Variants in NRXN3 observed in about 807,000 individuals in gnomAD.
NRXN3 encodes the protein neurexin III.
Under a neutral mutation model 137.6 loss-of-function variants are expected in NRXN3, and 32 were observed. The observed-to-expected ratio is 0.23, with a 90% CI of 0.18 to 0.31. The LOEUF (loss-of-function observed/expected upper bound fraction) is 0.31, where lower values mean the gene tolerates loss of function less well. Among genes scored for constraint, NRXN3 ranks in the 10% least tolerant of loss-of-function variants. The probability of loss-of-function intolerance (pLI) is 1.00; values close to 1 mark genes in which losing one functional copy is unlikely to be tolerated. For missense variants in NRXN3, 1,574 were observed against 2,062.5 expected (o/e 0.76, Z 4.59); for synonymous variants, 798 against 784.5 (o/e 1.02, Z -0.29).
chr14:78,391,371 T>G (rs542515754), intron 4 of NRXN3, among the ~76,000 whole-genome samples: 60 of 152,258 alleles, frequency 3.9e-4, no homozygotes, highest in African/African-American at 1.3e-3. Flanking sequence ...TTCATGACCT[T>G]TTTTGTGGCA....
intron 16 of NRXN3, among the ~76,000 whole-genome samples, chr14:79,607,082 G>A (rs1323286056): frequency 6.6e-6 from 1 of 152,158 alleles, no homozygotes; most frequent in African/African-American, 2.4e-5. Context: ...GTGCACTTGT[G>A]GGTATGTGTA....
chr14:78,722,079 C>T (rs553008138), intron 8 of NRXN3, among the ~76,000 whole-genome samples: 2 of 152,270 alleles, frequency 1.3e-5, no homozygotes, highest in South Asian at 2.1e-4. Context: ...CCTCTGATCA[C>T]AGCTGGTCCT....
chr14:78,194,932 G>C (rs2061089380), intron 1 of NRXN3, among the ~76,000 whole-genome samples: 1 of 152,180 alleles, frequency 6.6e-6, no homozygotes, highest in African/African-American at 2.4e-5. Flanking sequence ...ATGCAGAAGT[G>C]GCTCAATTGA....
intron 15 of NRXN3, among the ~76,000 whole-genome samples, chr14:79,243,640 G>T (rs1451597456): frequency 2.6e-5 from 4 of 152,048 alleles, no homozygotes; most frequent in Non-Finnish European, 5.9e-5. Flanking sequence ...ATAGCCTGTT[G>T]CTATATGGTA....
chr14:79,012,670 TC>T lies in NRXN3; in HGVS notation c.3262+24533del, dbSNP rs2099573146. ...ACTTTCCAGAAGACACAGGTGTGTT[TC>T]CCCAGAAGACCATCTGGATCCAGAA... On this transcript the variant is annotated intron_variant, in intron 15 of 20. Coordinates refer to ENST00000335750, the MANE Select transcript of NRXN3 (RefSeq NM_001330195.2). 2.0e-5 allele frequency among the ~76,000 whole-genome samples: 3 copies of T among 152,288 alleles called. No homozygotes were observed. The East Asian group carries it at 5.8e-4, about 29-fold the overall frequency.
chr14:78,790,916 A>G (rs1307517009), intron 8 of NRXN3, among the ~76,000 whole-genome samples: 1 of 152,204 alleles, frequency 6.6e-6, no homozygotes, highest in Admixed American at 6.5e-5. Context: ...TATCAGTGCC[A>G]GTGGGCCTCC....
intron 4 of NRXN3, among the ~76,000 whole-genome samples, chr14:78,371,891 T>C (rs2086899319): frequency 6.6e-6 from 1 of 152,226 alleles, no homozygotes; most frequent in Admixed American, 6.5e-5. Context: ...TTATCTTCAT[T>C]GAAACCATAG....
intron 16 of NRXN3, among the ~76,000 whole-genome samples, chr14:79,494,585 G>A (rs1479029490): frequency 6.6e-6 from 1 of 152,020 alleles, no homozygotes; most frequent in East Asian, 1.9e-4. Flanking sequence ...GCAAAAACAG[G>A]GGTTGCAGTT....
At chr14:79,827,911 G>C (rs2280799) in intron 20 of NRXN3, among the ~76,000 whole-genome samples, 91,148 of 151,878 alleles carry the variant, frequency 0.6, 27,778 homozygotes, top group African/African-American at 0.72. Flanking sequence ...GGACAGGCTG[G>C]TCTCAAACTC....
At chr14:78,510,589 A>T (rs917464965) in intron 4 of NRXN3, among the ~76,000 whole-genome samples, 13 of 152,228 alleles carry the variant, frequency 8.5e-5, no homozygotes, top group African/African-American at 3.1e-4. Context: ...TAAATTAATC[A>T]AACTATTTTG....
chr14:79,597,669 C>G (rs1226644503), intron 16 of NRXN3, among the ~76,000 whole-genome samples: 1 of 152,114 alleles, frequency 6.6e-6, no homozygotes, highest in African/African-American at 2.4e-5. Context: ...ATCTTCCTAT[C>G]TCTTAGGGTC....
chr14:79,319,966 T>C (rs978779029), intron 15 of NRXN3, among the ~76,000 whole-genome samples: 1 of 152,206 alleles, frequency 6.6e-6, no homozygotes, highest in Non-Finnish European at 1.5e-5. Flanking sequence ...GAGGTTTGGT[T>C]TATGTATTTA....
intron 8 of NRXN3, among the ~76,000 whole-genome samples, chr14:78,739,360 T>A (rs919599993): frequency 6.6e-6 from 1 of 152,220 alleles, no homozygotes; most frequent in African/African-American, 2.4e-5. Context: ...TACAATATGG[T>A]TCCCACACAT....
At chr14:78,461,237 T>G (rs2094913367) in intron 4 of NRXN3, among the ~76,000 whole-genome samples, 1 of 152,206 alleles carries the variant, frequency 6.6e-6, no homozygotes, top group Non-Finnish European at 1.5e-5. Flanking sequence ...TGAAGCTAAG[T>G]GCTCAGTGAA....
intron 15 of NRXN3, among the ~76,000 whole-genome samples, chr14:79,048,748 G>C (rs1186060656): frequency 6.6e-6 from 1 of 151,408 alleles, no homozygotes; most frequent in African/African-American, 2.4e-5. Context: ...AAATAGGCCG[G>C]GCGCGGTGGC....
chr14:78,909,090 T>A (rs191193458), intron 10 of NRXN3, among the ~76,000 whole-genome samples: 4 of 152,256 alleles, frequency 2.6e-5, no homozygotes, highest in African/African-American at 4.8e-5. Flanking sequence ...CACTTTCTAG[T>A]TGATGGGTGC....
At chr14:79,323,503 G>T (rs568392080) in intron 15 of NRXN3, among the ~76,000 whole-genome samples, 2 of 152,132 alleles carry the variant, frequency 1.3e-5, no homozygotes, top group African/African-American at 4.8e-5. Context: ...GAGACATTAG[G>T]GTTCCCATAT....
intron 10 of NRXN3, among the ~76,000 whole-genome samples, chr14:78,848,539 C>T (rs1281483721): frequency 6.6e-6 from 1 of 152,104 alleles, no homozygotes; most frequent in African/African-American, 2.4e-5. Context: ...TTTTAGAATA[C>T]TTTATTTATT....
Position 78,966,300 on chromosome 14 carries a change from A to G in NRXN3, c.2671A>G (p.Thr891Ala). ...GAGCCTTGCCACTCTTCAGGCTTAC[A>G]CCTCCATGCACCTCTTCTTCCAGTT... ...YLSLATLQAY[T>A]SMHLFFQFKT... Residue 891 changes from threonine to alanine, a missense_variant, in exon 12 of 21, where the codon ACC becomes GCC. Around this residue, in one of 5 missense-constraint regions of NRXN3, gnomAD observed 718 missense variants for 887.6 expected, o/e 0.81. Transcript: ENST00000335750. The G allele has an allele frequency of 6.2e-7, 1 of 1,614,098 alleles. No homozygotes were observed. Among genetic ancestry groups the G allele is most frequent in the Non-Finnish European group, 8.5e-7 (1 of 1,180,008 alleles).
Sources: allele counts gnomAD v4.1 joint callset (sites outside exome capture counted in the v4.1 genomes callset), GRCh38; gene constraint gnomAD v4.1.1; regional missense constraint gnomAD v4.1.1; transcripts MANE v1.5; gene names NCBI Gene and HGNC (gene_info 2026-07-23, HGNC 2026-07-21).